Variants in FHIT observed in about 807,000 individuals in gnomAD.
The protein encoded by FHIT is bis(5'-adenosyl)-triphosphatase.
Under a neutral mutation model 17.9 loss-of-function variants are expected in FHIT, and 19 were observed. The observed-to-expected ratio is 1.06, with a 90% CI of 0.74 to 1.56. The LOEUF is 1.56. FHIT is among the 40% of genes most tolerant of loss of function. The pLI is 0.00. For synonymous variants in FHIT, 81 were observed against 69.7 expected (o/e 1.16, Z -0.81); for missense variants, 248 against 189.2 (o/e 1.31, Z -1.82).
chr3:60,978,210 TG>T (rs1400795905), intron 3 of FHIT, among the ~76,000 whole-genome samples: 3 of 152,168 alleles, frequency 2.0e-5, no homozygotes. Context: ...GAAGCAGCTT[TG>T]GGGTGGTTAG....
intron 5 of FHIT, among the ~76,000 whole-genome samples, chr3:60,105,041 G>A (rs1256648307): frequency 6.6e-6 from 1 of 152,150 alleles, no homozygotes; most frequent in Non-Finnish European, 1.5e-5. Flanking sequence ...ACCTTTGGCT[G>A]GGTGACTGCT....
intron 4 of FHIT, among the ~76,000 whole-genome samples, chr3:60,788,219 G>T (rs781810987): frequency 2.6e-5 from 4 of 152,092 alleles, no homozygotes; most frequent in Non-Finnish European, 5.9e-5. Context: ...TTGAGCCCAG[G>T]AGTTCGAACT....
chr3:61,106,207 T>A (rs964045904), intron 2 of FHIT, among the ~76,000 whole-genome samples: 2 of 152,148 alleles, frequency 1.3e-5, no homozygotes, highest in Non-Finnish European at 2.9e-5. Flanking sequence ...CAATTATTAT[T>A]ATTTTGTTTG....
chr3:61,084,855 G>A (rs1415138558), intron 2 of FHIT, among the ~76,000 whole-genome samples: 1 of 152,104 alleles, frequency 6.6e-6, no homozygotes, highest in Non-Finnish European at 1.5e-5. Flanking sequence ...CAACTGATTT[G>A]CTTTCCATCT....
chr3:60,892,795 T>C (rs1553760986), intron 3 of FHIT, among the ~76,000 whole-genome samples: 4 of 152,228 alleles, frequency 2.6e-5, no homozygotes, highest in South Asian at 4.1e-4. Flanking sequence ...ATAAATACTT[T>C]GTAATAATAT....
At chr3:61,123,970 A>G (rs2036536811) in intron 2 of FHIT, among the ~76,000 whole-genome samples, 1 of 152,176 alleles carries the variant, frequency 6.6e-6, no homozygotes, top group Non-Finnish European at 1.5e-5. Flanking sequence ...TTCTTGAGCC[A>G]TCAGCCCATT....
intron 4 of FHIT, among the ~76,000 whole-genome samples, chr3:60,566,807 C>T (rs914771166): frequency 7.5e-4 from 114 of 151,038 alleles, no homozygotes; most frequent in Non-Finnish European, 1.0e-3. Flanking sequence ...CATTCTTATA[C>T]ACCAACAACA....
Position 60,292,977 on chromosome 3 carries a change from A to T in FHIT, c.103+243883T>A, listed in dbSNP as rs569303480. Reference sequence around the variant, plus strand: ...ACAAACTATTGAATTGAAACATTAAAACATTCTCCATAGCAACACTAAATC... The same window carrying T: ...ACAAACTATTGAATTGAAACATTAATACATTCTCCATAGCAACACTAAATC... On this transcript the variant is annotated intron_variant, in intron 5 of 9. Transcript: ENST00000492590. 4.3e-4 allele frequency among the ~76,000 whole-genome samples: 66 copies of T among 152,286 alleles called. 2 individuals are homozygous for T. The South Asian group carries it at 0.013, about 31-fold the overall frequency.
chr3:60,646,145 T>C (rs2039850984), intron 4 of FHIT, among the ~76,000 whole-genome samples: 1 of 152,190 alleles, frequency 6.6e-6, no homozygotes, highest in African/African-American at 2.4e-5. Flanking sequence ...AACAATCATC[T>C]CAGCTGCATT....
chr3:61,031,187 C>A (rs2032994004), intron 3 of FHIT, among the ~76,000 whole-genome samples: 1 of 152,132 alleles, frequency 6.6e-6, no homozygotes, highest in Non-Finnish European at 1.5e-5. Context: ...TCTGCAGTGG[C>A]AAAATGACTT....
intron 5 of FHIT, among the ~76,000 whole-genome samples, chr3:60,230,813 C>G (rs1026730417): frequency 6.6e-6 from 1 of 152,198 alleles, no homozygotes; most frequent in Admixed American, 6.5e-5. Context: ...TGGGTTCAAG[C>G]AATTCTCCTG....
rs1279936943 is a variant in FHIT, at chr3:61,209,933, C to G, written c.-212-9268G>C. 2.6e-5 allele frequency among the ~76,000 whole-genome samples: 4 copies of G among 152,118 alleles called. No homozygotes were observed. The East Asian group carries it at 7.7e-4, about 29-fold the overall frequency. On this transcript the variant is annotated intron_variant, in intron 1 of 9. Transcript: ENST00000492590. Reference sequence around the variant, plus strand: ...TTTTTCTGCTCTGTTTTTTCCCCATCTTTGTGGTTTTATCTACCTTTGGTC... The same window carrying G: ...TTTTTCTGCTCTGTTTTTTCCCCATGTTTGTGGTTTTATCTACCTTTGGTC...
At chr3:60,543,705 G>C (rs949514837) in intron 4 of FHIT, among the ~76,000 whole-genome samples, 2 of 151,902 alleles carry the variant, frequency 1.3e-5, no homozygotes, top group Non-Finnish European at 1.5e-5. Context: ...CTGAACTCTT[G>C]CATTGCTTCT....
intron 5 of FHIT, among the ~76,000 whole-genome samples, chr3:60,492,437 C>A (rs142413860): frequency 6.1e-4 from 93 of 151,730 alleles, no homozygotes; most frequent in African/African-American, 2.0e-3. Context: ...ATAAATACTT[C>A]TTAAGGTGCA....
In FHIT at chr3:60,338,767, C is replaced by T. The variant is rs9819123; in HGVS notation, c.103+198093G>A. 8.7e-3 allele frequency among the ~76,000 whole-genome samples: 1,320 copies of T among 152,270 alleles called. 29 individuals carry two copies. Among genetic ancestry groups the T allele is most frequent in the African/African-American group, 0.031 (1,272 of 41,546 alleles). ...TGGTGGTACTGTGATGGGGAATAAA[C>T]TGCCTATTTATTTATTAGAGCACAT... On this transcript the variant is annotated intron_variant, in intron 5 of 9. Coordinates refer to ENST00000492590, the MANE Select transcript of FHIT (RefSeq NM_002012.4).
At chr3:60,252,292 C>T (rs1042479107) in intron 5 of FHIT, among the ~76,000 whole-genome samples, 2 of 152,048 alleles carry the variant, frequency 1.3e-5, no homozygotes, top group Non-Finnish European at 2.9e-5. Context: ...ACCTGTAATC[C>T]CAGAACTTTG....
At chr3:60,171,351 A>C (rs1446473901) in intron 5 of FHIT, among the ~76,000 whole-genome samples, 1 of 152,166 alleles carries the variant, frequency 6.6e-6, no homozygotes, top group Non-Finnish European at 1.5e-5. Context: ...AGGAAGGTTT[A>C]TGTGTACTTG....
intron 3 of FHIT, among the ~76,000 whole-genome samples, chr3:60,874,468 T>C (rs1349431039): frequency 6.6e-6 from 1 of 152,218 alleles, no homozygotes; most frequent in Non-Finnish European, 1.5e-5. Context: ...CACATTTTTC[T>C]AGAAAACCTC....
At chr3:60,378,800 C>T (rs1218592590) in intron 5 of FHIT, among the ~76,000 whole-genome samples, 1 of 152,198 alleles carries the variant, frequency 6.6e-6, no homozygotes, top group African/African-American at 2.4e-5. Context: ...GCAGAGTTCA[C>T]AGTGATTACT....
Sources: gnomAD v4.1 joint callset for allele counts (sites outside exome capture counted in the v4.1 genomes callset) on GRCh38, gnomAD v4.1.1 for gene constraint, MANE v1.5 for transcripts, NCBI Gene and HGNC (gene_info 2026-07-23, HGNC 2026-07-21) for gene names.